The following KAZN variants were observed in gnomAD, a reference collection of about 807,000 sequenced individuals.
KAZN encodes kazrin.
KAZN carries 40 observed loss-of-function variants against 87.4 expected under a neutral mutation model. That is an observed-to-expected ratio of 0.46 (90% CI 0.36 to 0.60). The LOEUF is 0.60. KAZN is among the 20% of genes least tolerant of loss of function. KAZN has a pLI of 0.00. For synonymous variants in KAZN, 466 were observed against 458.3 expected (o/e 1.02, Z -0.22); for missense variants, 898 against 1,073.9 (o/e 0.84, Z 2.29).
upstream of KAZN, among the ~76,000 whole-genome samples, chr1:14,596,569 A>G (rs1204538509): frequency 6.6e-6 from 1 of 152,200 alleles, no homozygotes; most frequent in African/African-American, 2.4e-5. Flanking sequence ...AGTCAGCACA[A>G]AGTAACACCC....
intron 1 of KAZN, among the ~76,000 whole-genome samples, chr1:14,119,049 A>AAAACAC: frequency 6.6e-6 from 1 of 152,214 alleles, no homozygotes; most frequent in Non-Finnish European, 1.5e-5. Flanking sequence ...AACAAAAACA[A>AAAACAC]AAACAAAAAA....
chr1:14,404,853 A>G (rs544049466), intron 2 of KAZN, among the ~76,000 whole-genome samples: 29 of 152,318 alleles, frequency 1.9e-4, no homozygotes, highest in Admixed American at 1.4e-3. Flanking sequence ...CTTAAAGAAC[A>G]CTCAATAAAT....
At chr1:14,371,255 G>A (rs568233381) in intron 2 of KAZN, among the ~76,000 whole-genome samples, 3 of 152,302 alleles carry the variant, frequency 2.0e-5, no homozygotes, top group African/African-American at 7.2e-5. Flanking sequence ...ACCACACTTT[G>A]AGAGCTATTG....
At chr1:13,977,626 T>G (rs920321940) in intron 1 of KAZN, among the ~76,000 whole-genome samples, 3 of 152,132 alleles carry the variant, frequency 2.0e-5, no homozygotes, top group African/African-American at 7.2e-5. Context: ...CTTTGCAGGG[T>G]ATTGCTGATT....
chr1:14,550,640 C>T (rs747779511), intron 2 of KAZN, among the ~76,000 whole-genome samples: 8 of 149,312 alleles, frequency 5.4e-5, no homozygotes, highest in East Asian at 2.0e-4. Flanking sequence ...TTTTTTTTAA[C>T]GAATAAGTTA....
At chr1:14,235,148 T>C (rs1298572096) in intron 2 of KAZN, among the ~76,000 whole-genome samples, 6 of 152,200 alleles carry the variant, frequency 3.9e-5, no homozygotes, top group Non-Finnish European at 8.8e-5. Flanking sequence ...CATCAGCTGA[T>C]GAATGGACAT....
At chr1:14,753,835 T>C (rs552440505) in intron 1 of KAZN, among the ~76,000 whole-genome samples, 33 of 152,214 alleles carry the variant, frequency 2.2e-4, no homozygotes, top group Non-Finnish European at 4.4e-4. Context: ...TCTGCAGCTC[T>C]GGAGGCTGCG....
chr1:14,242,204 G>T (rs1321608534), intron 2 of KAZN, among the ~76,000 whole-genome samples: 1 of 152,178 alleles, frequency 6.6e-6, no homozygotes, highest in Non-Finnish European at 1.5e-5. Flanking sequence ...TCTGAAGACT[G>T]TAAACTGTCT....
At chr1:13,905,601 G>A (rs1303313272) in intron 1 of KAZN, among the ~76,000 whole-genome samples, 1 of 152,184 alleles carries the variant, frequency 6.6e-6, no homozygotes, top group African/African-American at 2.4e-5. Context: ...GTGAATATGT[G>A]TGTGGAAAGT....
At chr1:14,632,628 A>G (rs962128649) in intron 1 of KAZN, among the ~76,000 whole-genome samples, 4 of 151,258 alleles carry the variant, frequency 2.6e-5, no homozygotes, top group African/African-American at 9.8e-5. Context: ...TGCCCACCCA[A>G]AGGCTACAGG....
chr1:15,092,693 C>A (rs1370649557), intron 8 of KAZN, among the ~76,000 whole-genome samples: 3 of 152,094 alleles, frequency 2.0e-5, no homozygotes, highest in Non-Finnish European at 4.4e-5. Context: ...AGGCTGATCT[C>A]AAACTCCTGA....
intron 1 of KAZN, among the ~76,000 whole-genome samples, chr1:13,982,480 A>T (rs995603673): frequency 2.6e-5 from 4 of 152,222 alleles, no homozygotes; most frequent in South Asian, 2.1e-4. Context: ...CCAAAGAGTG[A>T]GCAGTAGGAA....
intron 1 of KAZN, among the ~76,000 whole-genome samples, chr1:14,736,226 G>T: frequency 6.6e-6 from 1 of 150,658 alleles, no homozygotes; most frequent in Admixed American, 6.6e-5. Context: ...TGGGCCCCTG[G>T]CCTGTTGGGG....
At chr1:14,012,591 G>A (rs115151467) in intron 1 of KAZN, among the ~76,000 whole-genome samples, 1,547 of 152,274 alleles carry the variant, frequency 0.01, 29 homozygotes, top group African/African-American at 0.036. Flanking sequence ...GACGCGGGTG[G>A]ATCAGGAGTT....
At chr1:14,956,300 A>G (rs1405277221) in intron 1 of KAZN, among the ~76,000 whole-genome samples, 11 of 61,812 alleles carry the variant, frequency 1.8e-4, no homozygotes, top group East Asian at 1.4e-3. Context: ...GAAGTCACTG[A>G]AAAAAAAAAA....
intron 2 of KAZN, among the ~76,000 whole-genome samples, chr1:14,426,933 A>G (rs758465973): frequency 6.6e-6 from 1 of 152,188 alleles, no homozygotes; most frequent in Non-Finnish European, 1.5e-5. Context: ...TCACTCACCC[A>G]GCAATTGTGA....
chr1:13,958,319 C>T (rs1188909900), intron 1 of KAZN, among the ~76,000 whole-genome samples: 5 of 152,072 alleles, frequency 3.3e-5, no homozygotes, highest in African/African-American at 1.2e-4. Flanking sequence ...GCCTGTAATC[C>T]CAGCACTTTG....
chr1:14,364,065 T>A (rs1291690506), intron 2 of KAZN, among the ~76,000 whole-genome samples: 1 of 151,930 alleles, frequency 6.6e-6, no homozygotes, highest in Non-Finnish European at 1.5e-5. Flanking sequence ...CGTTTTCATG[T>A]GGGATGTGGT....
chr1:14,712,909 C>A (rs898544956), intron 1 of KAZN, among the ~76,000 whole-genome samples: 5 of 152,196 alleles, frequency 3.3e-5, no homozygotes, highest in Non-Finnish European at 5.9e-5. Context: ...TTTTCCCAGC[C>A]CTCGTGGTGC....
Sources: gnomAD v4.1 joint callset for allele counts (sites outside exome capture counted in the v4.1 genomes callset) on GRCh38, gnomAD v4.1.1 for gene constraint, MANE v1.5 for transcripts, NCBI Gene and HGNC (gene_info 2026-07-23, HGNC 2026-07-21) for gene names.